TBCEL: variants seen among roughly 807,000 people sequenced by gnomAD.
TBCEL encodes tubulin-specific chaperone cofactor E-like protein.
A neutral mutation model predicts 44.2 loss-of-function variants in TBCEL; 15 were observed. The ratio of observed to expected loss-of-function variants is 0.34; its 90% CI spans 0.23 to 0.52. The LOEUF (loss-of-function observed/expected upper bound fraction) is 0.52. TBCEL is among the 20% of genes least tolerant of loss of function. The pLI, the probability that TBCEL is intolerant of heterozygous loss-of-function variation, is 0.95. For missense variants in TBCEL, 319 were observed against 506.3 expected (o/e 0.63, Z 3.55); for synonymous variants, 171 against 185.4 (o/e 0.92, Z 0.63).
At position 121,080,286 on chromosome 11, in the gene TBCEL, T is replaced by C. The variant is rs929250700; in HGVS notation, c.957-6492T>C. ...AGAGTAAAGACTTCGGTTGATTCAA[T>C]GTGTGTCTGCATTTCAGGAATGATA... On this transcript the variant is annotated intron_variant, in intron 8 of 8. Coordinates refer to ENST00000683345, the MANE Select transcript of TBCEL (RefSeq NM_001363644.2). 4.6e-5 allele frequency among the ~76,000 whole-genome samples: 7 copies of C among 152,222 alleles called. No homozygotes were observed. The East Asian group carries it at 1.3e-3, about 29-fold the overall frequency.
chr11:121,086,359 G>A (rs1946216593), intron 8 of TBCEL, among the ~76,000 whole-genome samples: 1 of 152,164 alleles, frequency 6.6e-6, no homozygotes, highest in Non-Finnish European at 1.5e-5. Context: ...GGCTTCTCCA[G>A]GCCTCAGAAA....
chr11:121,081,217 G>A (rs994237599), intron 8 of TBCEL, among the ~76,000 whole-genome samples: 1 of 152,110 alleles, frequency 6.6e-6, no homozygotes, highest in African/African-American at 2.4e-5. Context: ...AGTTGCCCAC[G>A]TGGTTATGCT....
rs886237968 is a variant in TBCEL at position 121,089,569 on chromosome 11, GAA to G, written c.*2476_*2477del. 12 of 152,202 alleles carry G rather than the reference GAA, an allele frequency of 7.9e-5. No individual in the cohort carries two copies. Among genetic ancestry groups the G allele is most frequent in the African/African-American group, 2.9e-4 (12 of 41,470 alleles). The allele number at this position is 152,202 out of a possible 1,614,324, so 9.4% of individuals were successfully genotyped here. ...CTTATAGATTCATTTGGGTGGCTGA[GAA>G]AAGATGCTGCTTTTGAAATAAAATT... On this transcript the variant is annotated 3_prime_UTR_variant, in exon 9 of 9. Transcript: ENST00000683345.
At chr11:121,042,074 A>G (rs1945344582) in intron 2 of TBCEL, among the ~76,000 whole-genome samples, 1 of 152,022 alleles carries the variant, frequency 6.6e-6, no homozygotes, top group East Asian at 1.9e-4. Flanking sequence ...CTGTATTTAA[A>G]TTGTATATAA....
chr11:121,060,141 C>A, intron 8 of TBCEL, 56 bp downstream of exon 8: 1 of 1,287,288 alleles, frequency 7.8e-7, no homozygotes, highest in Non-Finnish European at 1.1e-6. Context: ...CAGTTAAGAA[C>A]TCTAGTGTTA....
intron 8 of TBCEL, among the ~76,000 whole-genome samples, chr11:121,072,151 C>T (rs992732306): frequency 2.6e-5 from 4 of 152,134 alleles, no homozygotes; most frequent in Admixed American, 2.6e-4. Context: ...GCCACTTTCC[C>T]AGCCCAGCAG....
At chr11:121,025,986 ATAGT>A (rs971127824) in intron 1 of TBCEL, among the ~76,000 whole-genome samples, 49 of 152,340 alleles carry the variant, frequency 3.2e-4, no homozygotes, top group African/African-American at 1.0e-3. Flanking sequence ...TTATCACAAC[ATAGT>A]TAAAGAAATT....
chr11:121,072,272 A>G (rs1591413275), intron 8 of TBCEL, among the ~76,000 whole-genome samples: 1 of 152,288 alleles, frequency 6.6e-6, no homozygotes, highest in East Asian at 1.9e-4. Context: ...GGCTTGGAGG[A>G]AATTTTCTTT....
At chr11:121,035,816 G>A (rs1448049001) in intron 1 of TBCEL, 1 of 152,158 alleles carries the variant, frequency 6.6e-6, no homozygotes, top group Non-Finnish European at 1.5e-5. Context: ...TGGAAGGATG[G>A]AAAAATTGGG....
In TBCEL at chr11:121,090,469, T is replaced by A. The variant is rs1041749562; in HGVS notation, c.*3373T>A. 2.0e-5 allele frequency: 3 copies of A among 152,122 alleles called. No individual in the cohort carries two copies. Among genetic ancestry groups the A allele is most frequent in the African/African-American group, 7.2e-5 (3 of 41,424 alleles). The allele number at this position is 152,122 out of a possible 1,614,324, so 9.4% of individuals were successfully genotyped here. A position where few individuals can be genotyped will look rare whatever the true frequency, so the allele number is the denominator to read the frequency against. ...TTTTTCCCTTCATTTCATGTCATAT[T>A]GAAAATGCAAACAAACTGCTCTCAA... On this transcript the variant is annotated 3_prime_UTR_variant, in exon 9 of 9. Coordinates refer to ENST00000683345, the MANE Select transcript of TBCEL (RefSeq NM_001363644.2).
At chr11:121,054,902 T>G in intron 5 of TBCEL, 150 bp from the exon 6 acceptor site, 1 of 780,810 alleles carries the variant, frequency 1.3e-6, no homozygotes, top group East Asian at 3.1e-5. Context: ...TATTTTGAAC[T>G]TCAGGAAGAC....
At chr11:121,032,221 G>A (rs61903185) in intron 1 of TBCEL, among the ~76,000 whole-genome samples, 36,592 of 151,898 alleles carry the variant, frequency 0.24, 4,493 homozygotes, top group East Asian at 0.33. Context: ...AGTGATCTCT[G>A]TGCTGCTTCC....
intron 4 of TBCEL, among the ~76,000 whole-genome samples, chr11:121,048,736 A>G (rs1393799267): frequency 6.6e-6 from 1 of 151,904 alleles, no homozygotes; most frequent in Admixed American, 6.6e-5. Context: ...ATGACCCTTC[A>G]TCATATGGCC....
In TBCEL at chr11:121,045,975, G is replaced by GT. The variant is rs1945423495; in HGVS notation, c.133+153dup. 7.6e-6 allele frequency: 7 copies of GT among 923,088 alleles called. No individual in the cohort carries two copies. The South Asian group carries it at 1.5e-4, about 19-fold the overall frequency. The allele number at this position is 923,088 out of a possible 1,614,324, so 57.2% of individuals were successfully genotyped here. On this transcript the variant is annotated intron_variant, in intron 3 of 8. Transcript: ENST00000683345. Reference sequence around the variant, plus strand: ...TTATGATTTCAGTTTTCTAAAGAACGTAACAGGACTGGTTTTCCTCCAGAT... The same window carrying GT: ...TTATGATTTCAGTTTTCTAAAGAACGTTAACAGGACTGGTTTTCCTCCAGAT...
chr11:121,049,737 A>T (rs1186911504), intron 4 of TBCEL, among the ~76,000 whole-genome samples: 2 of 151,790 alleles, frequency 1.3e-5, no homozygotes, highest in African/African-American at 2.4e-5. Flanking sequence ...CATGTATATA[A>T]GCTTTTGCTA....
rs118002629 is a variant in TBCEL at position 121,082,516 on chromosome 11, A to G, written c.957-4262A>G. Among the ~76,000 whole-genome samples the G allele has an allele frequency of 3.7e-4, 56 of 152,298 alleles. No homozygotes were observed. In the East Asian group the frequency reaches 0.011, roughly 29 times the overall value. On this transcript the variant is annotated intron_variant, in intron 8 of 8. Coordinates refer to ENST00000683345, the MANE Select transcript of TBCEL (RefSeq NM_001363644.2). ...GGGAGCCAAAATTCTGCTTACCACA[A>G]TCATGTTGAAGAGTTAGGACTTTAT... is the stretch of plus-strand genomic sequence containing the variant.
At chr11:121,026,255 C>T (rs1227209054) in intron 1 of TBCEL, among the ~76,000 whole-genome samples, 1 of 152,106 alleles carries the variant, frequency 6.6e-6, no homozygotes, top group East Asian at 1.9e-4. Flanking sequence ...TCTTAATTCC[C>T]CTTACAAAAA....
chr11:121,075,443 A>T (rs556078887), intron 8 of TBCEL, among the ~76,000 whole-genome samples: 5 of 151,998 alleles, frequency 3.3e-5, no homozygotes, highest in Non-Finnish European at 5.9e-5. Flanking sequence ...TTATTCTTCA[A>T]GACTGTTTTA....
chr11:121,028,222 TAAAATA>T lies in TBCEL; in HGVS notation c.-126+3935_-126+3940del, dbSNP rs571543570. 7.2e-3 allele frequency among the ~76,000 whole-genome samples: 1,065 copies of T among 148,558 alleles called. 3 individuals carry two copies. The highest frequency in any genetic ancestry group is 0.028 in the Middle Eastern group (8 of 284). On this transcript the variant is annotated intron_variant, in intron 1 of 8. Coordinates refer to ENST00000683345, the MANE Select transcript of TBCEL (RefSeq NM_001363644.2). ...CTGTTTAAAAAAATAAATAAATAAA[TAAAATA>T]AAATAAAATAAAGCAGATCCCTGAA...
Sources: allele counts gnomAD v4.1 joint callset (sites outside exome capture counted in the v4.1 genomes callset), GRCh38; gene constraint gnomAD v4.1.1; transcripts MANE v1.5; gene names NCBI Gene and HGNC (gene_info 2026-07-23, HGNC 2026-07-21).